Variants in SGCD observed in about 807,000 individuals in gnomAD.
The protein encoded by SGCD is sarcoglycan delta, also known as delta-sarcoglycan.
Under a neutral mutation model 36.6 loss-of-function variants are expected in SGCD, and 18 were observed. That is an observed-to-expected ratio of 0.49 (90% confidence interval 0.34 to 0.73). The LOEUF is 0.73. SGCD is among the 30% of genes least tolerant of loss of function. The probability of loss-of-function intolerance (pLI) is 0.01; values close to 1 mark genes in which losing one functional copy is unlikely to be tolerated. For missense variants in SGCD, 387 were observed against 346.7 expected (o/e 1.12, Z -0.92); for synonymous variants, 133 against 130.6 (o/e 1.02, Z -0.12).
intron 1 of SGCD, among the ~76,000 whole-genome samples, chr5:155,906,962 A>G (rs1323484861): frequency 6.6e-6 from 1 of 151,854 alleles, no homozygotes; most frequent in Non-Finnish European, 1.5e-5. Context: ...AGCTAGAGAG[A>G]AGAAATAAAT....
At chr5:155,977,601 A>G (rs1379808814) in intron 1 of SGCD, among the ~76,000 whole-genome samples, 1 of 152,202 alleles carries the variant, frequency 6.6e-6, no homozygotes, top group Non-Finnish European at 1.5e-5. Flanking sequence ...CGTGGCCTCC[A>G]TGTGTTTCTT....
the SGCD span, among the ~76,000 whole-genome samples, chr5:155,837,271 C>T: frequency 6.6e-6 from 1 of 152,068 alleles, no homozygotes; most frequent in African/African-American, 2.4e-5. Flanking sequence ...GATTCTGTTG[C>T]CTCAGCCTCC....
intron 3 of SGCD, among the ~76,000 whole-genome samples, chr5:156,423,064 C>T (rs1773392596): frequency 6.9e-6 from 1 of 145,304 alleles, no homozygotes; most frequent in African/African-American, 2.6e-5. Flanking sequence ...ATTAGTCTTA[C>T]AAAGGCATAT....
intron 1 of SGCD, among the ~76,000 whole-genome samples, chr5:155,937,218 T>G (rs1236609825): frequency 6.6e-6 from 1 of 152,144 alleles, no homozygotes. Flanking sequence ...GGAACCTGCC[T>G]GTTCCCGGCT....
At chr5:156,504,560 A>C (rs1418078599) in intron 3 of SGCD, among the ~76,000 whole-genome samples, 1 of 152,050 alleles carries the variant, frequency 6.6e-6, no homozygotes, top group Non-Finnish European at 1.5e-5. Flanking sequence ...GAACTACATC[A>C]TATTCCCTAT....
chr5:156,275,623 A>C (rs1248833092), intron 3 of SGCD, among the ~76,000 whole-genome samples: 2 of 152,154 alleles, frequency 1.3e-5, no homozygotes, highest in African/African-American at 2.4e-5. Context: ...TGCTGGCTTC[A>C]GTATGTACTA....
chr5:156,133,939 A>G (rs906847528), intron 3 of SGCD, among the ~76,000 whole-genome samples: 9 of 151,602 alleles, frequency 5.9e-5, no homozygotes, highest in Non-Finnish European at 1.0e-4. Context: ...ACACACACAC[A>G]CACACACACA....
chr5:156,089,869 G>A (rs758888060), intron 1 of SGCD, among the ~76,000 whole-genome samples: 11 of 152,064 alleles, frequency 7.2e-5, no homozygotes, highest in Admixed American at 2.0e-4. Flanking sequence ...TTTTAAAATC[G>A]GATAAACCAG....
At chr5:155,969,899 C>A (rs1443022190) in intron 1 of SGCD, among the ~76,000 whole-genome samples, 2 of 152,066 alleles carry the variant, frequency 1.3e-5, no homozygotes, top group Non-Finnish European at 2.9e-5. Context: ...AAAGAGGAAG[C>A]AGAATTGGAT....
intron 3 of SGCD, among the ~76,000 whole-genome samples, chr5:156,442,408 C>G (rs1340789154): frequency 6.6e-6 from 1 of 152,300 alleles, no homozygotes; most frequent in South Asian, 2.1e-4. Flanking sequence ...GTCCCCACGT[C>G]TCTGGAAGTC....
chr5:155,906,302 T>C (rs72805676), intron 1 of SGCD, among the ~76,000 whole-genome samples: 2,575 of 152,176 alleles, frequency 0.017, 23 homozygotes, highest in Non-Finnish European at 0.027. Context: ...ACAATCATAC[T>C]CACACTAGGC....
intron 1 of SGCD, among the ~76,000 whole-genome samples, chr5:155,977,049 C>G (rs767730373): frequency 6.6e-6 from 1 of 152,206 alleles, no homozygotes; most frequent in Non-Finnish European, 1.5e-5. Flanking sequence ...CGTGATCTTG[C>G]TTATCAGCCC....
intron 3 of SGCD, among the ~76,000 whole-genome samples, chr5:156,464,988 G>T (rs1233642494): frequency 6.6e-6 from 1 of 152,122 alleles, no homozygotes; most frequent in Admixed American, 6.5e-5. Context: ...GCACACTTCA[G>T]ATTCGTTGAG....
chr5:156,377,292 T>C (rs1180110429), intron 3 of SGCD, among the ~76,000 whole-genome samples: 2 of 152,176 alleles, frequency 1.3e-5, no homozygotes, highest in African/African-American at 2.4e-5. Flanking sequence ...ATATTGGTTG[T>C]TTACACTGCA....
the SGCD span, among the ~76,000 whole-genome samples, chr5:155,750,756 G>A: frequency 1.1e-4 from 17 of 152,226 alleles, no homozygotes; most frequent in South Asian, 4.2e-4. Flanking sequence ...GGCTAATTTT[G>A]GCCCTTGGCC....
intron 3 of SGCD, among the ~76,000 whole-genome samples, chr5:156,283,868 T>A (rs911491776): frequency 1.3e-5 from 2 of 152,168 alleles, no homozygotes; most frequent in African/African-American, 2.4e-5. Context: ...TGTTTGACGC[T>A]GAGGAGAGTT....
At chr5:156,241,271 TGTG>T (rs1482850955) in intron 3 of SGCD, among the ~76,000 whole-genome samples, 1 of 149,960 alleles carries the variant, frequency 6.7e-6, no homozygotes, top group East Asian at 1.9e-4. Flanking sequence ...TGTGTGTGTG[TGTG>T]TGTGTGTGTG....
intron 3 of SGCD, among the ~76,000 whole-genome samples, chr5:156,192,753 ATAT>A (rs1185893458): frequency 3.3e-5 from 5 of 151,176 alleles, no homozygotes; most frequent in African/African-American, 9.8e-5. Context: ...ATATGTACAA[ATAT>A]TATGTGTCAA....
intron 3 of SGCD, among the ~76,000 whole-genome samples, chr5:156,504,357 GT>G (rs2127868061): frequency 7.0e-6 from 1 of 143,792 alleles, no homozygotes; most frequent in Admixed American, 7.0e-5. Flanking sequence ...GAGAATTTTT[GT>G]TATATGTACA....
Sources: allele counts gnomAD v4.1 joint callset (sites outside exome capture counted in the v4.1 genomes callset), GRCh38; gene constraint gnomAD v4.1.1; transcripts MANE v1.5; gene names NCBI Gene and HGNC (gene_info 2026-07-23, HGNC 2026-07-21).